Variants in RALGPS1 observed in about 807,000 individuals in gnomAD.
The protein encoded by RALGPS1 is Ral GEF with PH domain and SH3 binding motif 1.
Under a neutral mutation model 78.8 loss-of-function variants are expected in RALGPS1, and 19 were observed. The ratio of observed to expected loss-of-function variants is 0.24; its 90% CI spans 0.17 to 0.35. The LOEUF (loss-of-function observed/expected upper bound fraction) is 0.35, where lower values mean the gene tolerates loss of function less well. RALGPS1 is among the 10% of genes least tolerant of loss of function. The probability of loss-of-function intolerance (pLI) is 1.00; values close to 1 mark genes in which losing one functional copy is unlikely to be tolerated. For synonymous variants in RALGPS1, 228 were observed against 256.3 expected, an observed-to-expected ratio of 0.89 and a Z score of 1.06; for missense variants, 454 against 688.3, an observed-to-expected ratio of 0.66 and a Z score of 3.81.
chr9:126,985,271 C>G (rs907423612), intron 4 of RALGPS1, among the ~76,000 whole-genome samples: 1 of 152,160 alleles, frequency 6.6e-6, no homozygotes, highest in African/African-American at 2.4e-5. Flanking sequence ...TACAGTTGAC[C>G]TGAACTGACC....
At chr9:127,060,319 A>G (rs747441725) in intron 7 of RALGPS1, among the ~76,000 whole-genome samples, 18 of 152,208 alleles carry the variant, frequency 1.2e-4, no homozygotes, top group Non-Finnish European at 2.5e-4. Context: ...CATGTTACAT[A>G]TGACCTGCAT....
intron 11 of RALGPS1, among the ~76,000 whole-genome samples, chr9:127,185,919 G>A (rs1306900710): frequency 1.3e-5 from 2 of 152,200 alleles, no homozygotes; most frequent in Non-Finnish European, 2.9e-5. Context: ...CATCATTCCT[G>A]TTTTGCAGAT....
At chr9:126,958,139 A>T (rs1476242652) in intron 1 of RALGPS1, among the ~76,000 whole-genome samples, 3 of 93,972 alleles carry the variant, frequency 3.2e-5, no homozygotes, top group Non-Finnish European at 7.7e-5. Context: ...AAAAAAAAAA[A>T]AAAATATATA....
intron 4 of RALGPS1, among the ~76,000 whole-genome samples, chr9:127,018,609 G>A (rs2045119280): frequency 6.6e-6 from 1 of 150,752 alleles, no homozygotes; most frequent in Admixed American, 6.6e-5. Flanking sequence ...CTCCAGCCTG[G>A]GTGACAGTGA....
chr9:126,920,998 C>G (rs1185290752), intron 1 of RALGPS1, among the ~76,000 whole-genome samples: 1 of 152,190 alleles, frequency 6.6e-6, no homozygotes, highest in African/African-American at 2.4e-5. Flanking sequence ...GTGGGGATAG[C>G]AGTTTTACCT....
intron 1 of RALGPS1, among the ~76,000 whole-genome samples, chr9:126,960,963 G>T (rs1320649327): frequency 6.6e-6 from 1 of 152,040 alleles, no homozygotes; most frequent in African/African-American, 2.4e-5. Context: ...CCTCTGACTT[G>T]ACTGCCGCAG....
At chr9:127,075,173 C>T (rs2050570179) in intron 8 of RALGPS1, among the ~76,000 whole-genome samples, 1 of 152,246 alleles carries the variant, frequency 6.6e-6, no homozygotes, top group South Asian at 2.1e-4. Context: ...CATCCTCCTG[C>T]ATTCTTCCTG....
intron 4 of RALGPS1, among the ~76,000 whole-genome samples, chr9:127,013,641 A>T (rs961002797): frequency 6.6e-6 from 1 of 151,986 alleles, no homozygotes; most frequent in South Asian, 2.1e-4. Flanking sequence ...CCGTTGCCCA[A>T]TCTGTGGTTT....
intron 1 of RALGPS1, among the ~76,000 whole-genome samples, chr9:126,919,258 G>T (rs2034507314): frequency 6.6e-6 from 1 of 152,034 alleles, no homozygotes; most frequent in South Asian, 2.1e-4. Context: ...GCATAATTTT[G>T]TACCTCCACC....
chr9:127,175,013 T>C (rs1331933482), intron 11 of RALGPS1, among the ~76,000 whole-genome samples: 2 of 152,352 alleles, frequency 1.3e-5, no homozygotes, highest in Admixed American at 6.5e-5. Flanking sequence ...TGTTAGAGCC[T>C]GGGCCTGAAC....
chr9:126,968,660 T>C (rs2039774124), intron 3 of RALGPS1, among the ~76,000 whole-genome samples: 1 of 152,230 alleles, frequency 6.6e-6, no homozygotes, highest in Non-Finnish European at 1.5e-5. Flanking sequence ...AGATAGTACA[T>C]GGCACAGCTG....
At chr9:127,113,503 C>T (rs2055071640) in intron 8 of RALGPS1, among the ~76,000 whole-genome samples, 1 of 148,292 alleles carries the variant, frequency 6.7e-6, no homozygotes, top group African/African-American at 2.5e-5. Flanking sequence ...AGTAACACCC[C>T]CCACCCCCAC....
intron 4 of RALGPS1, among the ~76,000 whole-genome samples, chr9:127,028,119 G>A (rs1347531485): frequency 6.6e-6 from 1 of 152,252 alleles, no homozygotes; most frequent in African/African-American, 2.4e-5. Context: ...TGTTGCCAGA[G>A]GCACTGTGCC....
At chr9:126,919,592 T>A (rs2034542549) in intron 1 of RALGPS1, among the ~76,000 whole-genome samples, 1 of 152,228 alleles carries the variant, frequency 6.6e-6, no homozygotes, top group East Asian at 1.9e-4. Context: ...ATAATGATAA[T>A]AGGATCTGTC....
chr9:127,108,545 G>A, intron 8 of RALGPS1: 1 of 1,613,500 alleles, frequency 6.2e-7, no homozygotes, highest in Non-Finnish European at 8.5e-7. Context: ...GTGACCCGCT[G>A]CTGGGGCACA....
chr9:127,133,464 GCAGA>G (rs1249221015), intron 8 of RALGPS1, among the ~76,000 whole-genome samples: 7 of 152,252 alleles, frequency 4.6e-5, no homozygotes. Flanking sequence ...GTCCCCGTCT[GCAGA>G]GCCGCCTTTG....
intron 1 of RALGPS1, among the ~76,000 whole-genome samples, chr9:126,947,521 A>G (rs2037393149): frequency 1.3e-5 from 2 of 152,198 alleles, no homozygotes; most frequent in Non-Finnish European, 2.9e-5. Flanking sequence ...GGTCCCAAGC[A>G]TTTCGAATAA....
At chr9:127,081,907 A>G (rs2051213141) in intron 8 of RALGPS1, among the ~76,000 whole-genome samples, 1 of 152,166 alleles carries the variant, frequency 6.6e-6, no homozygotes. Context: ...GATGGGAGAG[A>G]TTGTCTGCGT....
chr9:127,118,984 C>T (rs951513831), intron 8 of RALGPS1, among the ~76,000 whole-genome samples: 41 of 152,180 alleles, frequency 2.7e-4, no homozygotes, highest in African/African-American at 9.9e-4. Context: ...CTAAAGGAGC[C>T]TCCAAGTACG....
Sources: gnomAD v4.1 joint callset for allele counts (sites outside exome capture counted in the v4.1 genomes callset) on GRCh38, gnomAD v4.1.1 for gene constraint, MANE v1.5 for transcripts, NCBI Gene and HGNC (gene_info 2026-07-23, HGNC 2026-07-21) for gene names.